DMBT1: variants seen among roughly 807,000 people sequenced by gnomAD.
DMBT1 encodes scavenger receptor cysteine-rich domain-containing protein DMBT1.
Under a neutral mutation model 252.9 loss-of-function variants are expected in DMBT1, and 198 were observed. The ratio of observed to expected loss-of-function variants is 0.78; its 90% CI spans 0.70 to 0.88. DMBT1 has a LOEUF of 0.88. Among genes scored for constraint, DMBT1 ranks in the 40% least tolerant of loss-of-function variants. The probability of loss-of-function intolerance (pLI) is 0.00; values close to 1 mark genes in which losing one functional copy is unlikely to be tolerated. For missense variants in DMBT1, 2,432 were observed against 2,404.7 expected (o/e 1.01, Z -0.24); for synonymous variants, 990 against 942.7 (o/e 1.05, Z -0.92).
chr10:122,599,964 G>A (rs904828735), intron 26 of DMBT1, 100 bp from the exon 27 acceptor site: 56 of 1,490,642 alleles, frequency 3.8e-5, no homozygotes, highest in Middle Eastern at 1.7e-4. Context: ...GAACTAGGAT[G>A]GACTGAGTGT....
chr10:122,578,657 T>A, intron 8 of DMBT1, 61 bp from the exon 9 acceptor site: 2 of 1,462,608 alleles, frequency 1.4e-6, no homozygotes, highest in South Asian at 1.2e-5. Context: ...GAGAACCGCT[T>A]GTTTTTTACC....
intron 24 of DMBT1, 53 bp from the exon 25 acceptor site, chr10:122,597,921 G>A: frequency 1.2e-6 from 2 of 1,613,316 alleles, no homozygotes; most frequent in Non-Finnish European, 1.7e-6. Context: ...TTTCCTTTTG[G>A]AGATTTTCAC....
chr10:122,568,587 C>T (rs1452793554), intron 2 of DMBT1, among the ~76,000 whole-genome samples: 1 of 152,140 alleles, frequency 6.6e-6, no homozygotes, highest in Non-Finnish European at 1.5e-5. Context: ...CTGGCTGTGT[C>T]ACTGCAGGTC....
At chr10:122,597,617 C>A (rs1358934419) in intron 24 of DMBT1, among the ~76,000 whole-genome samples, 3 of 152,216 alleles carry the variant, frequency 2.0e-5, no homozygotes, top group African/African-American at 7.2e-5. Context: ...ACTTGATACC[C>A]CTTTGGTCAG....
intron 2 of DMBT1, 136 bp downstream of exon 2, chr10:122,566,132 G>A (rs2097588618): frequency 1.1e-6 from 1 of 899,928 alleles, no homozygotes; most frequent in Admixed American, 2.0e-5. Flanking sequence ...ATGCCGGGGG[G>A]ACAGGAGACG....
In DMBT1 at chr10:122,574,085, G is replaced by A. The variant is rs150522937; in HGVS notation, c.283+323G>A. 1.8e-3 allele frequency among the ~76,000 whole-genome samples: 277 copies of A among 152,296 alleles called. 1 individual carries two copies. Among genetic ancestry groups the A allele is most frequent in the Non-Finnish European group, 2.7e-3 (183 of 68,024 alleles). On this transcript the variant is annotated intron_variant, in intron 6 of 55. Transcript: ENST00000338354. ...TGTGCTCATCCGTGGCCAGCCTAGG[G>A]TTCTGGATCTCTGGCTACAGGGCCT...
chr10:122,623,291 C>G (rs372321985), intron 44 of DMBT1, among the ~76,000 whole-genome samples: 6 of 152,356 alleles, frequency 3.9e-5, no homozygotes, highest in African/African-American at 1.2e-4. Context: ...CCATCTTTGT[C>G]TATCCATTTA....
rs548883088 is a variant in DMBT1 at position 122,576,203 on chromosome 10, A to T, written c.284-196A>T. Among the ~76,000 whole-genome samples the T allele has an allele frequency of 9.8e-5, 15 of 152,290 alleles. No individual in the cohort carries two copies. The South Asian group carries it at 2.9e-3, about 29-fold the overall frequency. On this transcript the variant is annotated intron_variant, in intron 6 of 55. Transcript: ENST00000338354. ...TTATTCTGCTCCAGCTGAAGCTCTA[A>T]GGCTTGGGTTTGGGCCAAGCAGTCA...
chr10:122,577,954 C>A (rs2097727631), intron 8 of DMBT1, 114 bp downstream of exon 8: 2 of 1,178,918 alleles, frequency 1.7e-6, no homozygotes, highest in Non-Finnish European at 2.5e-6. Context: ...CATATTATTT[C>A]ACCCCCAACT....
intron 52 of DMBT1, among the ~76,000 whole-genome samples, chr10:122,633,771 C>T (rs146037938): frequency 6.6e-6 from 1 of 152,150 alleles, no homozygotes; most frequent in Non-Finnish European, 1.5e-5. Context: ...AAATGTTGTC[C>T]AGTGGAAAAG....
At chr10:122,597,850 G>T in intron 24 of DMBT1, 124 bp from the exon 25 acceptor site, 1 of 1,431,638 alleles carries the variant, frequency 7.0e-7, no homozygotes, top group Non-Finnish European at 9.8e-7. Context: ...GACACATGGG[G>T]AGCAAGTGGC....
At chr10:122,597,557 G>C (rs947656978) in intron 24 of DMBT1, among the ~76,000 whole-genome samples, 8 of 152,214 alleles carry the variant, frequency 5.3e-5, no homozygotes, top group African/African-American at 1.9e-4. Flanking sequence ...GGCCATGCTC[G>C]GGCAGGGAGA....
rs761495688 is a variant in DMBT1, at chr10:122,618,293, T to C, written c.5168T>C (p.Leu1723Pro). Residue 1723 changes from leucine (L) to proline (P), a missense_variant, in exon 41 of 56, where the codon CTC (leucine) becomes CCC (proline). Transcript: ENST00000338354. Reference protein sequence around the residue: ...YLWSCPHNGWLSHNCGHHEDA... With the variant: ...YLWSCPHNGWPSHNCGHHEDA... ...TGGAGCTGCCCCCACAATGGCTGGC[T>C]CTCCCACAACTGTGGCCATCATGAA... 1.2e-6 allele frequency: 2 copies of C among 1,613,836 alleles called. No individual in the cohort carries two copies. The highest frequency in any genetic ancestry group is 2.2e-5 in the South Asian group (2 of 91,068).
Position 122,591,279 on chromosome 10 carries a change from G to A in DMBT1, c.2138-200G>A, listed in dbSNP as rs768517113. The stretch of plus-strand genomic sequence containing the variant: ...TATTCCACACTTCAGAGGCAGGAGG[G>A]ATCGGACTGGTCTCCAGTGAGGACT... On this transcript the variant is annotated intron_variant, in intron 18 of 55. Coordinates refer to ENST00000338354, the MANE Select transcript of DMBT1 (RefSeq NM_001377530.1). 6.7e-5 allele frequency among the ~76,000 whole-genome samples: 10 copies of A among 148,590 alleles called. No individual in the cohort carries two copies. In the East Asian group the frequency reaches 1.7e-3, roughly 25 times the overall value.
Position 122,630,418 on chromosome 10 carries a change from A to C in DMBT1, c.5953A>C (p.Thr1985Pro). 2 of 1,613,972 alleles carry C rather than the reference A, an allele frequency of 1.2e-6. No individual in the cohort carries two copies. The highest frequency in any genetic ancestry group is 1.7e-6 in the Non-Finnish European group (2 of 1,179,896). The change falls in exon 48 of 56, where the codon ACC becomes CCC. Residue 1985 changes from threonine (T) to proline (P), a missense_variant. By Grantham distance (38) the Thr-to-Pro change is conservative. Coordinates refer to ENST00000338354, the MANE Select transcript of DMBT1 (RefSeq NM_001377530.1). ...QIFTSSYNRM[T>P]IHFRSDISFQ... ...ATTTACATCTTCTTACAACCGAATG[A>C]CCATTCACTTTCGAAGTGACATCAG...
chr10:122,637,323 G>T lies in DMBT1; in HGVS notation c.6942+11G>T, dbSNP rs567891560. The stretch of plus-strand genomic sequence containing the variant: ...GGCACCTTCAAGCAGGTAAGCCTGG[G>T]GCTTCCCATTCCATTTCCCAGTGCA... On this transcript the variant is annotated intron_variant, in intron 54 of 55. Coordinates refer to ENST00000338354, the MANE Select transcript of DMBT1 (RefSeq NM_001377530.1). The T allele has an allele frequency of 6.3e-6, 10 of 1,588,864 alleles. No homozygotes were observed. Among genetic ancestry groups the T allele is most frequent in the Non-Finnish European group, 8.6e-6 (10 of 1,166,064 alleles).
rs1402479155 is a variant in DMBT1 at position 122,640,196 on chromosome 10, G to A, written c.7099G>A (p.Val2367Ile). 14 of 1,613,918 alleles carry A rather than the reference G, an allele frequency of 8.7e-6. No individual in the cohort carries two copies. The highest frequency in any genetic ancestry group is 3.3e-5 in the Admixed American group (2 of 60,008). The change falls in exon 55 of 56, where the codon GTT (valine) becomes ATT (isoleucine). Residue 2367 changes from valine to isoleucine, a missense_variant. By Grantham distance (29) the Val-to-Ile change is conservative. Coordinates refer to ENST00000338354, the MANE Select transcript of DMBT1 (RefSeq NM_001377530.1). ...GTACATTGCTAATGACACCATCCAC[G>A]TTGCTAATAACACCATCCAGGTCGA... ...TMYIANDTIH[V>I]ANNTIQVEEV...
Position 122,585,254 on chromosome 10 carries a change from C to G in DMBT1, c.1421-17C>G. The stretch of plus-strand genomic sequence containing the variant: ...CATCAACTTTAATTCTAGCCTTTGT[C>G]TCTGTTGCAATTACAGACACGTTGC... On this transcript the variant is annotated splice_polypyrimidine_tract_variant and intron_variant, in intron 14 of 55. Transcript: ENST00000338354. 1.9e-6 allele frequency: 3 copies of G among 1,585,840 alleles called. 1 individual carries two copies. Among genetic ancestry groups the G allele is most frequent in the Middle Eastern group, 1.7e-4 (1 of 6,014 alleles).
At chr10:122,643,006 T>C (rs1844843949) in intron 55 of DMBT1, 116 bp from the exon 56 acceptor site, 4 of 1,346,498 alleles carry the variant, frequency 3.0e-6, no homozygotes, top group Non-Finnish European at 4.1e-6. Context: ...GAAGGTGAGG[T>C]GTGCAGGAGG....
Sources: allele counts gnomAD v4.1 joint callset (sites outside exome capture counted in the v4.1 genomes callset), GRCh38; gene constraint gnomAD v4.1.1; transcripts MANE v1.5; gene names NCBI Gene and HGNC (gene_info 2026-07-23, HGNC 2026-07-21).